SMIM14: variants seen among roughly 807,000 people sequenced by gnomAD.
The protein encoded by SMIM14 is chromosome 4 open reading frame 34.
A neutral mutation model predicts 12.6 loss-of-function variants in SMIM14; 5 were observed. The observed-to-expected ratio is 0.40, with a 90% CI of 0.21 to 0.83. SMIM14 has a LOEUF of 0.83. SMIM14 is among the 40% of genes least tolerant of loss of function. SMIM14 has a pLI of 0.37. For missense variants in SMIM14, 86 were observed against 119.1 expected (o/e 0.72, Z 1.29); for synonymous variants, 30 against 40.1 (o/e 0.75, Z 0.95).
intron 3 of SMIM14, among the ~76,000 whole-genome samples, chr4:39,563,807 T>C (rs1408245913): frequency 6.6e-6 from 1 of 152,212 alleles, no homozygotes. Context: ...ATCTCATAGC[T>C]GTTTGACTGT....
chr4:39,628,268 T>C (rs564660550), intron 1 of SMIM14, among the ~76,000 whole-genome samples: 7 of 149,404 alleles, frequency 4.7e-5, no homozygotes, highest in South Asian at 2.1e-4. Context: ...CACCAAGCCA[T>C]TGCACTCCAG....
intron 3 of SMIM14, among the ~76,000 whole-genome samples, chr4:39,562,918 A>G (rs1303410174): frequency 1.3e-5 from 2 of 152,010 alleles, no homozygotes; most frequent in Non-Finnish European, 2.9e-5. Context: ...TGCTAGGATT[A>G]TAAGCATGAG....
At chr4:39,588,537 G>A (rs775039099) in intron 2 of SMIM14, among the ~76,000 whole-genome samples, 4 of 152,078 alleles carry the variant, frequency 2.6e-5, no homozygotes, top group Non-Finnish European at 4.4e-5. Context: ...AAACAAAGTA[G>A]TCCACTGAAA....
intron 2 of SMIM14, among the ~76,000 whole-genome samples, chr4:39,598,683 CTACT>C (rs1714474139): frequency 6.6e-6 from 1 of 152,170 alleles, no homozygotes; most frequent in South Asian, 2.1e-4. Flanking sequence ...CTTTTCTGTA[CTACT>C]TAATGTGTTT....
intron 3 of SMIM14, 74 bp from the exon 4 acceptor site, chr4:39,556,644 C>T (rs1422096540): frequency 7.7e-7 from 1 of 1,290,662 alleles, no homozygotes; most frequent in Admixed American, 2.9e-5. Flanking sequence ...GTTTAAATGT[C>T]AGTTTCAATT....
intron 3 of SMIM14, among the ~76,000 whole-genome samples, chr4:39,561,958 T>C (rs1266292596): frequency 6.6e-6 from 1 of 151,844 alleles, no homozygotes; most frequent in Non-Finnish European, 1.5e-5. Context: ...CAAATAGTAA[T>C]GTCCACTTCT....
chr4:39,564,705 C>A (rs1712486158), intron 3 of SMIM14, among the ~76,000 whole-genome samples: 1 of 152,106 alleles, frequency 6.6e-6, no homozygotes, highest in African/African-American at 2.4e-5. Context: ...GACTTTTAAG[C>A]AGGGGGCTAA....
chr4:39,571,399 A>G (rs1712874754), intron 3 of SMIM14, among the ~76,000 whole-genome samples: 1 of 151,954 alleles, frequency 6.6e-6, no homozygotes, highest in South Asian at 2.1e-4. Context: ...GCAACATGGG[A>G]AGACCGTGAC....
intron 2 of SMIM14, among the ~76,000 whole-genome samples, chr4:39,602,859 A>G (rs1249638678): frequency 6.6e-6 from 1 of 152,240 alleles, no homozygotes; most frequent in African/African-American, 2.4e-5. Context: ...ATATGTAGCA[A>G]CACTAAGCAA....
chr4:39,610,610 G>A (rs193297396), intron 1 of SMIM14, among the ~76,000 whole-genome samples: 21 of 150,762 alleles, frequency 1.4e-4, no homozygotes, highest in South Asian at 2.1e-4. Context: ...TAGGGGGATC[G>A]CTTGAGCCCA....
At chr4:39,625,241 A>C (rs1448398684) in intron 1 of SMIM14, among the ~76,000 whole-genome samples, 3 of 151,628 alleles carry the variant, frequency 2.0e-5, no homozygotes, top group Admixed American at 6.6e-5. Flanking sequence ...AAAGAAAGAA[A>C]GAAAAAGAAA....
chr4:39,570,181 T>TTTTTTTTTTTTTTTTG (rs1712812611), intron 3 of SMIM14, among the ~76,000 whole-genome samples: 1 of 152,000 alleles, frequency 6.6e-6, no homozygotes. Flanking sequence ...TTCTTTGTTT[T>TTTTTTTTTTTTTTTTG]AGAGAGTCTC....
At chr4:39,559,234 C>T (rs1053141968) in intron 3 of SMIM14, among the ~76,000 whole-genome samples, 3 of 151,878 alleles carry the variant, frequency 2.0e-5, no homozygotes, top group Admixed American at 6.6e-5. Context: ...AACATCTCTA[C>T]GAAAATTAGC....
chr4:39,566,779 C>T (rs9918073), intron 3 of SMIM14, among the ~76,000 whole-genome samples: 16,096 of 151,934 alleles, frequency 0.11, 1,870 homozygotes, highest in African/African-American at 0.29. Flanking sequence ...CCATTTTGGC[C>T]AACATGGTGA....
At chr4:39,599,345 A>C (rs1714508005) in intron 2 of SMIM14, among the ~76,000 whole-genome samples, 1 of 152,090 alleles carries the variant, frequency 6.6e-6, no homozygotes, top group Non-Finnish European at 1.5e-5. Flanking sequence ...TTTTACTCTG[A>C]GTCTCATGGA....
intron 3 of SMIM14, 138 bp downstream of exon 3, chr4:39,572,277 C>CTTTTTTTTTT (rs71192876): frequency 3.3e-5 from 7 of 210,662 alleles, no homozygotes; most frequent in African/African-American, 5.4e-5. Flanking sequence ...GTATGTGTCG[C>CTTTTTTTTTT]TTTTTTTTTT....
At chr4:39,607,779 ATC>A (rs961873661) in intron 1 of SMIM14, among the ~76,000 whole-genome samples, 8 of 152,332 alleles carry the variant, frequency 5.3e-5, no homozygotes, top group African/African-American at 1.7e-4. Flanking sequence ...TTTGCAAATC[ATC>A]TGTTTGATAA....
intron 1 of SMIM14, among the ~76,000 whole-genome samples, chr4:39,624,272 A>G (rs1012011610): frequency 2.0e-5 from 3 of 152,210 alleles, no homozygotes; most frequent in African/African-American, 4.8e-5. Flanking sequence ...ATCTTAACAA[A>G]AGCCCTTCTG....
intron 4 of SMIM14, among the ~76,000 whole-genome samples, chr4:39,552,433 G>C (rs1201365003): frequency 6.6e-6 from 1 of 152,144 alleles, no homozygotes; most frequent in Non-Finnish European, 1.5e-5. Flanking sequence ...GGAAGAGAGA[G>C]GGAATTTGTA....
Sources: allele counts gnomAD v4.1 joint callset (sites outside exome capture counted in the v4.1 genomes callset), GRCh38; gene constraint gnomAD v4.1.1; transcripts MANE v1.5; gene names NCBI Gene and HGNC (gene_info 2026-07-23, HGNC 2026-07-21).